CSMD1: variants seen among roughly 807,000 people sequenced by gnomAD.
CSMD1 encodes CUB and sushi domain-containing protein 1.
A neutral mutation model predicts 417.5 loss-of-function variants in CSMD1; 213 were observed. The ratio of observed to expected loss-of-function variants is 0.51; its 90% confidence interval spans 0.46 to 0.57. The LOEUF is 0.57. CSMD1 is among the 20% of genes least tolerant of loss of function. CSMD1 has a pLI of 0.00. For missense variants in CSMD1, 6,923 were observed against 4,529.7 expected (o/e 1.53, Z -15.17); for synonymous variants, 2,862 against 1,736.8 (o/e 1.65, Z -16.11).
intron 1 of CSMD1, among the ~76,000 whole-genome samples, chr8:4,926,847 T>G (rs959737479): frequency 1.3e-5 from 2 of 152,182 alleles, no homozygotes; most frequent in Admixed American, 1.3e-4. Flanking sequence ...CTAAATAGTT[T>G]GCTATCAATG....
chr8:4,524,561 C>T (rs540526857), intron 2 of CSMD1, among the ~76,000 whole-genome samples: 1 of 139,564 alleles, frequency 7.2e-6, no homozygotes, highest in Admixed American at 7.7e-5. Flanking sequence ...TTTTTCATCA[C>T]ACTTGGTCTT....
At chr8:3,480,101 G>A (rs1376174100) in intron 11 of CSMD1, among the ~76,000 whole-genome samples, 2 of 152,104 alleles carry the variant, frequency 1.3e-5, no homozygotes, top group South Asian at 2.1e-4. Context: ...ACTCACATCT[G>A]TAATCTCAGC....
At chr8:3,798,641 A>G (rs938929640) in intron 5 of CSMD1, among the ~76,000 whole-genome samples, 1 of 152,152 alleles carries the variant, frequency 6.6e-6, no homozygotes, top group Non-Finnish European at 1.5e-5. Context: ...TGCTATATAA[A>G]AAATACATAC....
At chr8:4,299,227 A>T (rs1797850653) in intron 3 of CSMD1, among the ~76,000 whole-genome samples, 1 of 152,212 alleles carries the variant, frequency 6.6e-6, no homozygotes, top group Non-Finnish European at 1.5e-5. Context: ...AAGTCATCAG[A>T]ATAAAATAAG....
At chr8:4,498,666 C>T (rs927249537) in intron 2 of CSMD1, among the ~76,000 whole-genome samples, 1 of 152,048 alleles carries the variant, frequency 6.6e-6, no homozygotes, top group South Asian at 2.1e-4. Context: ...AAAGAGGGAG[C>T]TCATGTTTAT....
intron 37 of CSMD1, among the ~76,000 whole-genome samples, chr8:3,173,507 G>A (rs1375361534): frequency 6.6e-6 from 1 of 152,168 alleles, no homozygotes; most frequent in Non-Finnish European, 1.5e-5. Context: ...TGGGTCTTAG[G>A]AAAATTTTTT....
chr8:3,282,671 T>A (rs944549070), intron 26 of CSMD1, among the ~76,000 whole-genome samples: 2 of 152,192 alleles, frequency 1.3e-5, no homozygotes, highest in Admixed American at 1.3e-4. Context: ...CATGTACAAG[T>A]ACTATTCCAC....
chr8:3,065,028 G>A (rs574005429), intron 49 of CSMD1, among the ~76,000 whole-genome samples: 1 of 152,164 alleles, frequency 6.6e-6, no homozygotes, highest in Admixed American at 6.5e-5. Context: ...TTCTCCAGTG[G>A]GTCAGGCTAA....
At chr8:3,830,680 G>C (rs1252143707) in intron 5 of CSMD1, among the ~76,000 whole-genome samples, 2 of 152,048 alleles carry the variant, frequency 1.3e-5, no homozygotes, top group Admixed American at 6.6e-5. Context: ...AGAAAACAGA[G>C]AGAAAAAAAA....
Position 3,694,859 on chromosome 8 carries a change from C to G in CSMD1, c.1009+13555G>C, listed in dbSNP as rs563764818. Among the ~76,000 whole-genome samples, 65 of 152,062 alleles carry G rather than the reference C, an allele frequency of 4.3e-4. No homozygotes were observed. The Middle Eastern group carries it at 0.01, about 24-fold the overall frequency. ...CCAGGACATGAAGCAATACCGGATC[C>G]TAAAGACCATAGAAACCTGCTGGAT... On this transcript the variant is annotated intron_variant, in intron 7 of 69. Coordinates refer to ENST00000635120, the MANE Select transcript of CSMD1 (RefSeq NM_033225.6).
At chr8:3,912,641 G>T (rs553890699) in intron 5 of CSMD1, among the ~76,000 whole-genome samples, 1 of 152,230 alleles carries the variant, frequency 6.6e-6, no homozygotes, top group African/African-American at 2.4e-5. Flanking sequence ...GTTTACAAGC[G>T]TCCTCAAGTG....
chr8:3,736,723 G>A (rs74944708), intron 6 of CSMD1, among the ~76,000 whole-genome samples: 127 of 152,284 alleles, frequency 8.3e-4, no homozygotes, highest in Non-Finnish European at 1.6e-3. Flanking sequence ...GCTTCACACT[G>A]CCTGGCTTCA....
At chr8:4,278,381 C>G (rs967954158) in intron 3 of CSMD1, among the ~76,000 whole-genome samples, 3 of 152,122 alleles carry the variant, frequency 2.0e-5, no homozygotes, top group Non-Finnish European at 4.4e-5. Context: ...ATAAAATTAT[C>G]AGCTATACAG....
chr8:3,018,874 A>G (rs1809104277), intron 51 of CSMD1, among the ~76,000 whole-genome samples: 1 of 152,200 alleles, frequency 6.6e-6, no homozygotes, highest in African/African-American at 2.4e-5. Flanking sequence ...CTAAAAGCTT[A>G]ACGTGGATTC....
chr8:4,074,177 C>G (rs1799703504), intron 3 of CSMD1, among the ~76,000 whole-genome samples: 2 of 151,922 alleles, frequency 1.3e-5, no homozygotes, highest in Admixed American at 6.6e-5. Flanking sequence ...TTGTATGGTC[C>G]AAATTAGTTA....
chr8:4,344,104 G>A (rs1187297656), intron 3 of CSMD1, among the ~76,000 whole-genome samples: 1 of 152,110 alleles, frequency 6.6e-6, no homozygotes, highest in Admixed American at 6.6e-5. Context: ...AGCACCTCGA[G>A]TAAAAGGCCT....
At chr8:4,244,420 G>C (rs954610575) in intron 3 of CSMD1, among the ~76,000 whole-genome samples, 5 of 152,118 alleles carry the variant, frequency 3.3e-5, no homozygotes, top group African/African-American at 9.7e-5. Context: ...TAGTAGAAAA[G>C]CAGGCCTGTA....
chr8:4,415,921 G>A (rs1197950101), intron 3 of CSMD1, among the ~76,000 whole-genome samples: 3 of 152,218 alleles, frequency 2.0e-5, no homozygotes, highest in Middle Eastern at 3.4e-3. Context: ...ACAGACATGT[G>A]GATAATTTCT....
At chr8:3,585,644 C>T (rs987076239) in intron 9 of CSMD1, among the ~76,000 whole-genome samples, 14 of 152,110 alleles carry the variant, frequency 9.2e-5, no homozygotes, top group African/African-American at 3.4e-4. Flanking sequence ...GAATATTTTA[C>T]TCTGCTAACT....
Sources: gnomAD v4.1 joint callset for allele counts (sites outside exome capture counted in the v4.1 genomes callset) on GRCh38, gnomAD v4.1.1 for gene constraint, MANE v1.5 for transcripts, NCBI Gene and HGNC (gene_info 2026-07-23, HGNC 2026-07-21) for gene names.